Variants in GSK3B observed in about 807,000 individuals in gnomAD.
The protein encoded by GSK3B is glycogen synthase kinase-3 beta.
GSK3B carries 15 observed loss-of-function variants against 56.4 expected under a neutral mutation model. The ratio of observed to expected loss-of-function variants is 0.27; its 90% CI spans 0.18 to 0.41. The LOEUF is 0.41. Ranked by LOEUF, GSK3B falls within the 10% of genes least tolerant of loss-of-function variation. The probability of loss-of-function intolerance (pLI) is 1.00; values close to 1 mark genes in which losing one functional copy is unlikely to be tolerated. For synonymous variants in GSK3B, 181 were observed against 188.9 expected (o/e 0.96, Z 0.34); for missense variants, 300 against 513.4 (o/e 0.58, Z 4.02).
At chr3:119,852,567 C>T (rs1448654992) in intron 9 of GSK3B, among the ~76,000 whole-genome samples, 1 of 151,978 alleles carries the variant, frequency 6.6e-6, no homozygotes, top group Non-Finnish European at 1.5e-5. Flanking sequence ...AGGCTGGTCT[C>T]GAACTCTTTA....
At chr3:119,891,036 T>TAC (rs1394697149) in intron 7 of GSK3B, among the ~76,000 whole-genome samples, 1 of 152,004 alleles carries the variant, frequency 6.6e-6, no homozygotes, top group Non-Finnish European at 1.5e-5. Flanking sequence ...GAGAGACTTG[T>TAC]ACGTAAATCA....
intron 8 of GSK3B, among the ~76,000 whole-genome samples, chr3:119,865,709 T>G (rs1462687835): frequency 6.6e-6 from 1 of 151,694 alleles, no homozygotes; most frequent in Non-Finnish European, 1.5e-5. Flanking sequence ...GACCTCATGA[T>G]CCGCCCGCCT....
At chr3:120,016,930 T>G (rs1044544238) in intron 1 of GSK3B, among the ~76,000 whole-genome samples, 1 of 152,204 alleles carries the variant, frequency 6.6e-6, no homozygotes, top group Non-Finnish European at 1.5e-5. Flanking sequence ...TCTTAACTCC[T>G]CACTTGAAAT....
chr3:119,840,506 G>T (rs760030806), intron 10 of GSK3B, among the ~76,000 whole-genome samples: 3 of 152,134 alleles, frequency 2.0e-5, no homozygotes, highest in Non-Finnish European at 4.4e-5. Flanking sequence ...TTACAGGTGT[G>T]AGCCACCGCG....
intron 3 of GSK3B, among the ~76,000 whole-genome samples, chr3:119,930,544 T>C (rs974144481): frequency 2.0e-5 from 3 of 152,172 alleles, no homozygotes; most frequent in Admixed American, 2.0e-4. Context: ...AAACATTGAA[T>C]AAAAATTTAA....
chr3:119,973,540 G>GTCA (rs2057385766), intron 2 of GSK3B, among the ~76,000 whole-genome samples: 1 of 152,188 alleles, frequency 6.6e-6, no homozygotes, highest in Admixed American at 6.5e-5. Flanking sequence ...CTAAGGCTAT[G>GTCA]TCACAAGGCC....
Position 119,864,892 on chromosome 3 carries a change from AT to A in GSK3B, c.910-1288del, listed in dbSNP as rs375239685. Among the ~76,000 whole-genome samples, 34 of 152,340 alleles carry A rather than the reference AT, an allele frequency of 2.2e-4. No homozygotes were observed. In the East Asian group the frequency reaches 6.6e-3, roughly 29 times the overall value. ...AGGTAAAGTAGGCTCTTAGGAAATT[AT>A]TTCGGAACATAAAGAAAGGCCTTAG... On this transcript the variant is annotated intron_variant, in intron 8 of 10. Transcript: ENST00000264235.
chr3:119,900,987 A>G (rs923324438), intron 7 of GSK3B, among the ~76,000 whole-genome samples: 1 of 152,118 alleles, frequency 6.6e-6, no homozygotes, highest in Admixed American at 6.6e-5. Flanking sequence ...GTAGTTATAA[A>G]AAAAGTAACT....
chr3:120,086,185 T>G (rs966638418), intron 1 of GSK3B, among the ~76,000 whole-genome samples: 3 of 148,230 alleles, frequency 2.0e-5, no homozygotes, highest in African/African-American at 7.5e-5. Flanking sequence ...ATTCCATATA[T>G]ACTAAGGAGG....
intron 2 of GSK3B, among the ~76,000 whole-genome samples, chr3:119,955,767 C>T (rs1302789940): frequency 4.6e-5 from 7 of 152,078 alleles, no homozygotes; most frequent in African/African-American, 1.7e-4. Context: ...GATTCTCCTG[C>T]CTCACCCTCC....
At chr3:120,032,379 G>A (rs2057984040) in intron 1 of GSK3B, among the ~76,000 whole-genome samples, 1 of 152,172 alleles carries the variant, frequency 6.6e-6, no homozygotes, top group Non-Finnish European at 1.5e-5. Flanking sequence ...GGAGGCCAAG[G>A]CAGGAGAATC....
chr3:119,963,775 G>GT (rs1439995847), intron 2 of GSK3B, among the ~76,000 whole-genome samples: 1 of 152,032 alleles, frequency 6.6e-6, no homozygotes, highest in Non-Finnish European at 1.5e-5. Context: ...AGAAAGGACA[G>GT]TTTTTTCAAT....
At chr3:120,058,014 T>C (rs1460444518) in intron 1 of GSK3B, among the ~76,000 whole-genome samples, 1 of 152,094 alleles carries the variant, frequency 6.6e-6, no homozygotes, top group Non-Finnish European at 1.5e-5. Context: ...TCTTTATTCT[T>C]TTCCACCAAT....
chr3:119,925,019 T>G (rs1234585317), intron 3 of GSK3B, among the ~76,000 whole-genome samples: 1 of 152,186 alleles, frequency 6.6e-6, no homozygotes, highest in East Asian at 1.9e-4. Flanking sequence ...GGTGTCATGT[T>G]CAAGTCATCA....
At chr3:119,963,847 C>T (rs1289063530) in intron 2 of GSK3B, among the ~76,000 whole-genome samples, 2 of 152,078 alleles carry the variant, frequency 1.3e-5, no homozygotes, top group Non-Finnish European at 2.9e-5. Context: ...CCTTATCTTA[C>T]ACCATACACA....
chr3:119,988,483 C>A (rs938893818), intron 2 of GSK3B, among the ~76,000 whole-genome samples: 2 of 152,168 alleles, frequency 1.3e-5, no homozygotes, highest in Non-Finnish European at 2.9e-5. Flanking sequence ...ATTGGAAAAA[C>A]TGGTTATTTT....
At chr3:119,908,487 C>T (rs1559831989) in intron 6 of GSK3B, among the ~76,000 whole-genome samples, 2 of 152,184 alleles carry the variant, frequency 1.3e-5, no homozygotes, top group South Asian at 4.1e-4. Flanking sequence ...TTAAGCCTCA[C>T]AGCCACTCAG....
rs958648681 is a variant in GSK3B at position 119,824,347 on chromosome 3, A to G, written c.*2441T>C. On this transcript the variant is annotated 3_prime_UTR_variant, in exon 11 of 11. Coordinates refer to ENST00000264235, the MANE Select transcript of GSK3B (RefSeq NM_001146156.2). ...CATCTCAGCACACACACACACACAC[A>G]CACACGCACACATGCACACACAATG... is the stretch of plus-strand genomic sequence containing the variant. The G allele has an allele frequency of 9.0e-6, 2 of 222,498 alleles. No individual in the cohort carries two copies. Among genetic ancestry groups the G allele is most frequent in the Non-Finnish European group, 1.8e-5 (2 of 111,146 alleles). The allele number at this position is 222,498 out of a possible 1,614,324, so 13.8% of individuals were successfully genotyped here.
intron 9 of GSK3B, among the ~76,000 whole-genome samples, chr3:119,845,142 G>C (rs1160182053): frequency 6.6e-6 from 1 of 152,006 alleles, no homozygotes; most frequent in East Asian, 1.9e-4. Flanking sequence ...CAATAAACTA[G>C]GTATTGATGG....
Sources: gnomAD v4.1 joint callset for allele counts (sites outside exome capture counted in the v4.1 genomes callset) on GRCh38, gnomAD v4.1.1 for gene constraint, MANE v1.5 for transcripts, NCBI Gene and HGNC (gene_info 2026-07-23, HGNC 2026-07-21) for gene names.